RALYL: variants seen among roughly 807,000 people sequenced by gnomAD.
The protein encoded by RALYL is RALY RNA binding protein like.
In RALYL, 29 loss-of-function variants were observed where a neutral mutation model predicts 35.1. That is an observed-to-expected ratio of 0.83 (90% CI 0.61 to 1.13). The LOEUF (loss-of-function observed/expected upper bound fraction) is 1.13, where lower values mean the gene tolerates loss of function less well. Among genes scored for constraint, RALYL ranks in the 50% most tolerant of loss-of-function variants. RALYL has a pLI of 0.00. For synonymous variants in RALYL, 120 were observed against 127.6 expected, an observed-to-expected ratio of 0.94 and a Z score of 0.40; for missense variants, 359 against 360.4, an observed-to-expected ratio of 1.00 and a Z score of 0.03.
chr8:84,877,214 C>T (rs934430379), intron 7 of RALYL, among the ~76,000 whole-genome samples: 5 of 152,072 alleles, frequency 3.3e-5, no homozygotes, highest in Admixed American at 1.3e-4. Context: ...TGGCCGGCCG[C>T]GGTGGCTCAC....
chr8:84,893,405 C>A (rs995357880), intron 8 of RALYL, among the ~76,000 whole-genome samples: 1 of 152,206 alleles, frequency 6.6e-6, no homozygotes, highest in African/African-American at 2.4e-5. Flanking sequence ...TCCACCAAAT[C>A]TGTATTCCCC....
chr8:84,301,107 C>T (rs1284279526), intron 1 of RALYL, among the ~76,000 whole-genome samples: 1 of 151,956 alleles, frequency 6.6e-6, no homozygotes, highest in African/African-American at 2.4e-5. Flanking sequence ...ATTTGCTTTT[C>T]TGAAAAGGCT....
In RALYL at chr8:84,408,819, A is replaced by G. The variant is rs538509748; in HGVS notation, c.-23-120480A>G. On this transcript the variant is annotated intron_variant, in intron 1 of 8. Coordinates refer to ENST00000521268, the MANE Select transcript of RALYL (RefSeq NM_173848.7). Reference sequence around the variant, plus strand: ...ATGTAGAACATACTAGCACTAAAATATTATTCTGTATTTACCTGAAATTTA... The same window carrying G: ...ATGTAGAACATACTAGCACTAAAATGTTATTCTGTATTTACCTGAAATTTA... Among the ~76,000 whole-genome samples, 3 of 152,250 alleles carry G rather than the reference A, an allele frequency of 2.0e-5. No individual in the cohort carries two copies. The South Asian group carries it at 6.2e-4, about 32-fold the overall frequency.
chr8:84,455,611 C>G (rs1285967439), intron 1 of RALYL, among the ~76,000 whole-genome samples: 1 of 151,910 alleles, frequency 6.6e-6, no homozygotes, highest in Non-Finnish European at 1.5e-5. Context: ...TTAACCTAGA[C>G]CTAATAGAAG....
intron 8 of RALYL, among the ~76,000 whole-genome samples, chr8:84,913,030 GGATA>G (rs1288287359): frequency 0.054 from 4,086 of 76,080 alleles, 176 homozygotes; most frequent in Admixed American, 0.2. Context: ...ATGGATGGAT[GGATA>G]GGTAGGTAGA....
At chr8:84,425,246 C>G (rs1350800016) in intron 1 of RALYL, among the ~76,000 whole-genome samples, 1 of 152,138 alleles carries the variant, frequency 6.6e-6, no homozygotes, top group Admixed American at 6.5e-5. Context: ...GGGATATAGT[C>G]TCGTGGTGCG....
At chr8:84,304,200 C>A (rs1223252582) in intron 1 of RALYL, among the ~76,000 whole-genome samples, 1 of 152,106 alleles carries the variant, frequency 6.6e-6, no homozygotes, top group Non-Finnish European at 1.5e-5. Context: ...TCACTGCGAC[C>A]TCCACCTCCC....
chr8:84,647,312 C>T (rs910561057), intron 2 of RALYL, among the ~76,000 whole-genome samples: 30 of 151,802 alleles, frequency 2.0e-4, no homozygotes, highest in Admixed American at 1.8e-3. Flanking sequence ...GGCATGTTTG[C>T]GGAACAGAAA....
rs146791417 is a variant in RALYL, at chr8:84,343,384, C to T, written c.-24+158960C>T. Among the ~76,000 whole-genome samples, 62 of 152,136 alleles carry T rather than the reference C, an allele frequency of 4.1e-4. 1 individual carries two copies. The East Asian group carries it at 0.011, about 28-fold the overall frequency. On this transcript the variant is annotated intron_variant, in intron 1 of 8. Transcript: ENST00000521268. ...AATAGAATACATACATTTATCAATG[C>T]TGACATTGATACCTTTCTACATAGC...
intron 7 of RALYL, among the ~76,000 whole-genome samples, chr8:84,880,282 C>G (rs1368493148): frequency 6.6e-6 from 1 of 152,050 alleles, no homozygotes; most frequent in Non-Finnish European, 1.5e-5. Flanking sequence ...AGCAAACACT[C>G]TAAGGAAAGG....
chr8:84,890,328 TA>T (rs1481395358), intron 8 of RALYL, among the ~76,000 whole-genome samples: 2 of 152,002 alleles, frequency 1.3e-5, no homozygotes, highest in Non-Finnish European at 2.9e-5. Context: ...CAAACTAAGA[TA>T]AGTCAGAGAG....
intron 2 of RALYL, among the ~76,000 whole-genome samples, chr8:84,547,882 G>A (rs2060470307): frequency 6.6e-6 from 1 of 152,114 alleles, no homozygotes; most frequent in Non-Finnish European, 1.5e-5. Context: ...ATTGTCTGAA[G>A]CTTGACTTTT....
At chr8:84,704,160 C>G (rs1271552215) in intron 2 of RALYL, among the ~76,000 whole-genome samples, 2 of 152,146 alleles carry the variant, frequency 1.3e-5, no homozygotes, top group Non-Finnish European at 2.9e-5. Flanking sequence ...CATGGTGGCT[C>G]ACACCTGTAA....
intron 2 of RALYL, among the ~76,000 whole-genome samples, chr8:84,768,104 C>T (rs1814553910): frequency 6.6e-6 from 1 of 152,116 alleles, no homozygotes; most frequent in East Asian, 1.9e-4. Flanking sequence ...GAAAATTGAA[C>T]CTTGGTCATT....
chr8:84,491,188 T>C (rs1423209609), intron 1 of RALYL, among the ~76,000 whole-genome samples: 2 of 152,026 alleles, frequency 1.3e-5, no homozygotes, highest in Admixed American at 1.3e-4. Context: ...CTATCTTTAA[T>C]ACTACTTGCT....
chr8:84,678,263 T>G (rs1834630803), intron 2 of RALYL, among the ~76,000 whole-genome samples: 1 of 151,124 alleles, frequency 6.6e-6, no homozygotes, highest in Non-Finnish European at 1.5e-5. Flanking sequence ...GTTGTTTTTT[T>G]GTTTTTGTTT....
At chr8:84,621,452 G>A (rs538363522) in intron 2 of RALYL, among the ~76,000 whole-genome samples, 4 of 152,176 alleles carry the variant, frequency 2.6e-5, no homozygotes, top group Admixed American at 2.0e-4. Context: ...ACCCTGCTTC[G>A]GCTGGCGCAC....
chr8:84,755,073 G>C (rs1471041707), intron 2 of RALYL, among the ~76,000 whole-genome samples: 1 of 152,116 alleles, frequency 6.6e-6, no homozygotes, highest in South Asian at 2.1e-4. Flanking sequence ...AGGTGCTATG[G>C]AGCATTGAGG....
chr8:84,719,289 C>T (rs775556528), intron 2 of RALYL, among the ~76,000 whole-genome samples: 1 of 152,160 alleles, frequency 6.6e-6, no homozygotes. Context: ...TATTTATGTA[C>T]CTGTTGTAGC....
Sources: gnomAD v4.1 joint callset for allele counts (sites outside exome capture counted in the v4.1 genomes callset) on GRCh38, gnomAD v4.1.1 for gene constraint, MANE v1.5 for transcripts, NCBI Gene and HGNC (gene_info 2026-07-23, HGNC 2026-07-21) for gene names.